Variants in VWA5B2 observed in about 807,000 individuals in gnomAD.
VWA5B2 encodes von Willebrand factor A domain containing 5B2.
In VWA5B2, 93 loss-of-function variants were observed where a neutral mutation model predicts 118.5. The ratio of observed to expected loss-of-function variants is 0.79; its 90% confidence interval spans 0.66 to 0.93. The LOEUF is 0.93. VWA5B2 is among the 40% of genes least tolerant of loss of function. The pLI, the probability that VWA5B2 is intolerant of heterozygous loss-of-function variation, is 0.00. For missense variants in VWA5B2, 1,546 were observed against 1,672.8 expected, an observed-to-expected ratio of 0.92 and a Z score of 1.32; for synonymous variants, 708 against 716.3, an observed-to-expected ratio of 0.99 and a Z score of 0.19.
In VWA5B2 at chr3:184,230,745, A is replaced by G; in HGVS notation, c.140-2A>G. ...GACGCCGCCTCCCGCCGCCCTCCCC[A>G]GGCGTGTTCGTGTACCCGCTGGCCG... is the stretch of plus-strand genomic sequence containing the variant. On this transcript the variant is annotated splice_acceptor_variant, in intron 2 of 19. Transcript: ENST00000691901. LOFTEE classifies it high-confidence loss of function. The G allele has an allele frequency of 8.2e-7, 1 of 1,222,280 alleles. No individual in the cohort carries two copies. The highest frequency in any genetic ancestry group is 1.0e-6 in the Non-Finnish European group (1 of 983,106). 75.7% of individuals were successfully genotyped at this position (1,222,280 alleles called of 1,614,324 possible). A position where few individuals can be genotyped will look rare whatever the true frequency, so the allele number is the denominator to read the frequency against.
chr3:184,230,344 C>T (rs1160151497), intron 1 of VWA5B2, 36 bp from the exon 2 acceptor site: 8 of 659,696 alleles, frequency 1.2e-5, no homozygotes, highest in Non-Finnish European at 1.8e-5. Flanking sequence ...CCACGCCTGC[C>T]GCCCCCTTAT....
At chr3:184,231,012 C>G (rs1717341312) in intron 3 of VWA5B2, 95 bp downstream of exon 3, 1 of 1,191,078 alleles carries the variant, frequency 8.4e-7, no homozygotes, top group Non-Finnish European at 1.0e-6. Flanking sequence ...CGCCTTCCTC[C>G]GGGCACTGCC....
chr3:184,233,135 T>C lies in VWA5B2; in HGVS notation c.311-43T>C. ...TCCACATCTAGCTTCCTCCCTCTCC[T>C]CTGCTTCCAGCATGCTCTGACCCCA... On this transcript the variant is annotated intron_variant, in intron 3 of 19. Transcript: ENST00000691901. The surrounding 1 kb of genome is among the most constrained non-coding windows in gnomAD (Gnocchi z 5.2). 1.3e-6 allele frequency: 2 copies of C among 1,518,718 alleles called. No individual in the cohort carries two copies. The highest frequency in any genetic ancestry group is 1.8e-6 in the Non-Finnish European group (2 of 1,127,404). 94.1% of individuals were successfully genotyped at this position (1,518,718 alleles called of 1,614,324 possible). A position where few individuals can be genotyped will look rare whatever the true frequency, so the allele number is the denominator to read the frequency against.
chr3:184,241,985 T>C lies in VWA5B2; in HGVS notation c.3676T>C (p.Trp1226Arg). The part of the protein sequence containing the change: ...ARGLFLLLRH[W>R]DQNLQLHLLC... ...AGGGCTCTTCCTGCTACTGCGCCAC[T>C]GGGACCAAAACCTGCAGCTACACCT... Residue 1226 changes from tryptophan (W) to arginine (R), a missense_variant, in exon 20 of 20, where the codon TGG (tryptophan) becomes CGG (arginine). This residue lies in a region of VWA5B2 where 763 missense variants were observed against 766.6 expected (regional missense o/e 1.00). Transcript: ENST00000691901. The surrounding 1 kb of genome is among the most constrained non-coding windows in gnomAD (Gnocchi z 5.1). 3.9e-6 allele frequency: 6 copies of C among 1,550,404 alleles called. No individual in the cohort carries two copies. The highest frequency in any genetic ancestry group is 5.2e-6 in the Non-Finnish European group (6 of 1,146,950).
Position 184,234,414 on chromosome 3 carries a change from C to G in VWA5B2, c.820+17C>G. 1.9e-6 allele frequency: 3 copies of G among 1,551,474 alleles called. No individual in the cohort carries two copies. Among genetic ancestry groups the G allele is most frequent in the Non-Finnish European group, 2.6e-6 (3 of 1,146,840 alleles). ...ACCCCAGTGGTGAGAGACTGGGACA[C>G]ACCGTGGGCCGGCTCTGACCTGCTT... On this transcript the variant is annotated intron_variant, in intron 6 of 19. Coordinates refer to ENST00000691901, the MANE Select transcript of VWA5B2 (RefSeq NM_001390846.1).
chr3:184,232,072 C>T (rs1486012726), intron 3 of VWA5B2, among the ~76,000 whole-genome samples: 1 of 152,160 alleles, frequency 6.6e-6, no homozygotes, highest in Non-Finnish European at 1.5e-5. Flanking sequence ...AGTTTACAAT[C>T]GCTAGTATCA....
chr3:184,230,569 C>T lies in VWA5B2; in HGVS notation c.41C>T (p.Pro14Leu). 2 of 1,479,768 alleles carry T rather than the reference C, an allele frequency of 1.4e-6. No individual in the cohort carries two copies. The highest frequency in any genetic ancestry group is 1.3e-5 in the South Asian group (1 of 78,704). 91.7% of individuals were successfully genotyped at this position (1,479,768 alleles called of 1,614,324 possible). Residue 14 changes from proline (P) to leucine (L), a missense_variant, in exon 2 of 20, where the codon CCG (proline) becomes CTG (leucine). Physicochemically the swap from Pro to Leu is moderately conservative, Grantham distance 98. This residue lies in a region of VWA5B2 where 775 missense variants were observed against 882.3 expected (regional missense o/e 0.88). Coordinates refer to ENST00000691901, the MANE Select transcript of VWA5B2 (RefSeq NM_001390846.1). ...LYCPSSWTPLPLTDSWVRACA... is the reference protein window; with the variant it reads ...LYCPSSWTPLLLTDSWVRACA... Reference sequence around the variant, plus strand: ...TGCCCCTCCAGCTGGACGCCGCTGCCGCTCACGGACTCCTGGGTCCGGGCC... The same window carrying T: ...TGCCCCTCCAGCTGGACGCCGCTGCTGCTCACGGACTCCTGGGTCCGGGCC...
In VWA5B2 at chr3:184,233,156, C is replaced by T. The variant is rs1717570284; in HGVS notation, c.311-22C>T. The T allele has an allele frequency of 6.5e-7, 1 of 1,543,148 alleles. No homozygotes were observed. The highest frequency in any genetic ancestry group is 8.8e-7 in the Non-Finnish European group (1 of 1,142,462). On this transcript the variant is annotated intron_variant, in intron 3 of 19. Transcript: ENST00000691901. This position sits in a 1 kb window ranked among gnomAD's most constrained non-coding sequence, Gnocchi z 5.2. The stretch of plus-strand genomic sequence containing the variant: ...CTCCTCTGCTTCCAGCATGCTCTGA[C>T]CCCATTTCTCACCCATCATAGGTCA...
Position 184,234,302 on chromosome 3 carries a change from C to A in VWA5B2, c.725C>A (p.Ala242Asp). The stretch of plus-strand genomic sequence containing the variant: ...CCCTCTCATGCTCTGCGGGCAGATG[C>A]CCCCCCTCATGCCAGCTCTGCAGCC... ...ESPSHALRADAPPHASSAATI... is the reference protein window; with the variant it reads ...ESPSHALRADDPPHASSAATI... The change falls in exon 6 of 20, where the codon GCC (alanine) becomes GAC (aspartate). Residue 242 changes from alanine (A) to aspartate (D), a missense_variant. Physicochemically the swap from Ala to Asp is moderately radical, Grantham distance 126 (BLOSUM62 -2). Transcript: ENST00000691901. The A allele has an allele frequency of 9.7e-6, 15 of 1,551,568 alleles. No individual in the cohort carries two copies. The highest frequency in any genetic ancestry group is 1.3e-5 in the Non-Finnish European group (15 of 1,146,952).
chr3:184,241,769 G>C lies in VWA5B2; in HGVS notation c.3460G>C (p.Ala1154Pro). ...RGSDTEASEG[A>P]EGLGGTDLRG... is the part of the protein sequence containing the mutation. ...CTCAGACACCGAGGCCTCCGAGGGGGCGGAAGGGCTGGGCGGCACCGACCT... is the reference window on the plus strand; with the variant it reads ...CTCAGACACCGAGGCCTCCGAGGGGCCGGAAGGGCTGGGCGGCACCGACCT... Residue 1154 changes from alanine to proline, a missense_variant, in exon 20 of 20, where the codon GCG (alanine) becomes CCG (proline). Ala to Pro is a conservative substitution (Grantham distance 27). Transcript: ENST00000691901. The surrounding 1 kb of genome is among the most constrained non-coding windows in gnomAD (Gnocchi z 5.1). The C allele has an allele frequency of 6.7e-7, 1 of 1,485,290 alleles. No individual in the cohort carries two copies. Among genetic ancestry groups the C allele is most frequent in the Non-Finnish European group, 8.9e-7 (1 of 1,120,338 alleles). 92.0% of individuals were successfully genotyped at this position (1,485,290 alleles called of 1,614,324 possible).
intron 3 of VWA5B2, 182 bp from the exon 4 acceptor site, chr3:184,232,996 T>C (rs1577086033): frequency 1.6e-6 from 1 of 608,378 alleles, no homozygotes; most frequent in Admixed American, 3.0e-5. Flanking sequence ...TCACAGTTAG[T>C]CTGCCTCTCC....
Position 184,238,199 on chromosome 3 carries a change from G to A in VWA5B2, c.1720-104G>A. 1.0e-6 allele frequency: 1 copy of A among 1,003,106 alleles called. No individual in the cohort carries two copies. Among genetic ancestry groups the A allele is most frequent in the East Asian group, 2.7e-5 (1 of 36,962 alleles). 62.1% of individuals were successfully genotyped at this position (1,003,106 alleles called of 1,614,324 possible). A position where few individuals can be genotyped will look rare whatever the true frequency, so the allele number is the denominator to read the frequency against. ...TCTTTAGTACTGGTCTTTTGTTTCT[G>A]GTTTATTAGCTTTGTTGCCTCTTGC... On this transcript the variant is annotated intron_variant, in intron 12 of 19. Transcript: ENST00000691901. This position sits in a 1 kb window ranked among gnomAD's most constrained non-coding sequence, Gnocchi z 5.0.
Position 184,239,394 on chromosome 3 carries a change from G to A in VWA5B2, c.2203G>A (p.Val735Met). Residue 735 changes from valine to methionine, a missense_variant and splice_region_variant, in exon 15 of 20, where the codon GTG becomes ATG. Val to Met is a conservative substitution (Grantham distance 21). Around this residue, in one of 3 missense-constraint regions of VWA5B2, gnomAD observed 763 missense variants for 766.6 expected, o/e 1.00. Transcript: ENST00000691901. This position sits in a 1 kb window ranked among gnomAD's most constrained non-coding sequence, Gnocchi z 5.1. ...LPAPTPAPFK[V>M]GALSTEVLGR... is the part of the protein sequence containing the mutation. ...AGTGGCCCCCATATCTCACATGCAG[G>A]TGGGGGCCTTGAGTACTGAGGTGCT... 6.5e-7 allele frequency: 1 copy of A among 1,538,320 alleles called. No homozygotes were observed. Among genetic ancestry groups the A allele is most frequent in the South Asian group, 1.2e-5 (1 of 83,210 alleles).
chr3:184,236,924 G>A (rs535880389), intron 11 of VWA5B2, among the ~76,000 whole-genome samples, 175 bp downstream of exon 11: 231 of 152,308 alleles, frequency 1.5e-3, no homozygotes, highest in Non-Finnish European at 9.8e-4. Context: ...AAAGGTGTCA[G>A]GACACTGTCT....
intron 3 of VWA5B2, among the ~76,000 whole-genome samples, chr3:184,231,545 G>A (rs1717401038): frequency 6.6e-6 from 1 of 152,190 alleles, no homozygotes; most frequent in South Asian, 2.1e-4. Context: ...ACTGTTTCCT[G>A]GCTCCCCAGC....
In VWA5B2 at chr3:184,242,083, C is replaced by T; in HGVS notation, c.*45C>T. The T allele has an allele frequency of 1.9e-6, 3 of 1,538,696 alleles. No homozygotes were observed. On this transcript the variant is annotated 3_prime_UTR_variant, in exon 20 of 20. Coordinates refer to ENST00000691901, the MANE Select transcript of VWA5B2 (RefSeq NM_001390846.1). Reference sequence around the variant, plus strand: ...GGGCTGGCGCCCCACCCAACACACTCAAGTCACTGCCGCCCAGGGCTGGCC... The same window carrying T: ...GGGCTGGCGCCCCACCCAACACACTTAAGTCACTGCCGCCCAGGGCTGGCC...
Position 184,233,459 on chromosome 3 carries a change from G to T in VWA5B2, c.530+62G>T. The T allele has an allele frequency of 6.7e-7, 1 of 1,501,584 alleles. No individual in the cohort carries two copies. The allele number at this position is 1,501,584 out of a possible 1,614,324, so 93.0% of individuals were successfully genotyped here. Reference sequence around the variant, plus strand: ...GCTTCTCTGGGTCTAGTGCGGGTGAGGGGGCACTGGCAGGGTACCCAGGGA... The same window carrying T: ...GCTTCTCTGGGTCTAGTGCGGGTGATGGGGCACTGGCAGGGTACCCAGGGA... On this transcript the variant is annotated intron_variant, in intron 4 of 19. Coordinates refer to ENST00000691901, the MANE Select transcript of VWA5B2 (RefSeq NM_001390846.1). The surrounding 1 kb of genome is among the most constrained non-coding windows in gnomAD (Gnocchi z 5.2).
Position 184,234,269 on chromosome 3 carries a change from T to G in VWA5B2, c.692T>G (p.Leu231Arg). Residue 231 changes from leucine to arginine, a missense_variant, in exon 6 of 20, where the codon CTG becomes CGG. Transcript: ENST00000691901. ...TTCCTGCCTCTATGTCCCTCAGGCC[T>G]GGAGAGCCCCTCTCATGCTCTGCGG... ...LVTGPCLLAGLESPSHALRAD... is the reference protein window; with the variant it reads ...LVTGPCLLAGRESPSHALRAD... 1 of 1,551,632 alleles carries G rather than the reference T, an allele frequency of 6.4e-7. No homozygotes were observed. Among genetic ancestry groups the G allele is most frequent in the Non-Finnish European group, 8.7e-7 (1 of 1,146,978 alleles).
At chr3:184,240,060 A>T in intron 16 of VWA5B2, 24 bp downstream of exon 16, 1 of 1,483,608 alleles carries the variant, frequency 6.7e-7, no homozygotes, top group Non-Finnish European at 9.0e-7. Context: ...GGGTCCAGTC[A>T]GGACCCAAAG....
Sources: allele counts gnomAD v4.1 joint callset (sites outside exome capture counted in the v4.1 genomes callset), GRCh38; gene constraint gnomAD v4.1.1; regional missense constraint gnomAD v4.1.1; non-coding constraint Gnocchi (gnomAD v3.1); transcripts MANE v1.5; gene names NCBI Gene and HGNC (gene_info 2026-07-23, HGNC 2026-07-21).